RORA: variants seen among roughly 807,000 people sequenced by gnomAD.
RORA encodes nuclear receptor ROR-alpha.
Under a neutral mutation model 69.5 loss-of-function variants are expected in RORA, and 7 were observed. The observed-to-expected ratio is 0.10, with a 90% confidence interval of 0.06 to 0.19. The LOEUF (loss-of-function observed/expected upper bound fraction) is 0.19. Among genes scored for constraint, RORA ranks in the 10% least tolerant of loss-of-function variants. The pLI is 1.00. For synonymous variants in RORA, 261 were observed against 240.8 expected (o/e 1.08, Z -0.78); for missense variants, 457 against 663.0 (o/e 0.69, Z 3.41).
intron 1 of RORA, among the ~76,000 whole-genome samples, chr15:60,761,497 T>C (rs1262869687): frequency 6.6e-6 from 1 of 152,166 alleles, no homozygotes; most frequent in East Asian, 1.9e-4. Flanking sequence ...CAACTCTCTT[T>C]TATGATATGT....
At chr15:61,135,463 C>T (rs1477434791) in intron 1 of RORA, among the ~76,000 whole-genome samples, 1 of 151,010 alleles carries the variant, frequency 6.6e-6, no homozygotes, top group Admixed American at 6.6e-5. Flanking sequence ...CACAAACTAC[C>T]AATAAAGCCT....
chr15:60,666,022 C>T (rs1361097798), intron 2 of RORA, among the ~76,000 whole-genome samples: 1 of 151,968 alleles, frequency 6.6e-6, no homozygotes, highest in Non-Finnish European at 1.5e-5. Context: ...TATTTTTGGC[C>T]AAACTGAAAT....
At chr15:60,851,854 T>C (rs2073328508) in intron 1 of RORA, among the ~76,000 whole-genome samples, 1 of 152,060 alleles carries the variant, frequency 6.6e-6, no homozygotes, top group Non-Finnish European at 1.5e-5. Flanking sequence ...ACGTAAGTTC[T>C]GAGAACTTTT....
At chr15:61,027,140 G>A (rs1895861332) in intron 1 of RORA, among the ~76,000 whole-genome samples, 1 of 152,218 alleles carries the variant, frequency 6.6e-6, no homozygotes, top group African/African-American at 2.4e-5. Context: ...CCCAGTGTGG[G>A]CGAGGGTCCA....
intron 1 of RORA, among the ~76,000 whole-genome samples, chr15:60,814,659 G>T (rs2072785637): frequency 6.6e-6 from 1 of 152,162 alleles, no homozygotes; most frequent in Admixed American, 6.6e-5. Flanking sequence ...GCCATCAGAA[G>T]AGGAAGCTCC....
intron 1 of RORA, among the ~76,000 whole-genome samples, chr15:60,855,571 A>G (rs1464778712): frequency 1.3e-5 from 2 of 151,962 alleles, no homozygotes; most frequent in Admixed American, 1.3e-4. Flanking sequence ...GAATGTGTGG[A>G]CCCTTACACT....
intron 2 of RORA, among the ~76,000 whole-genome samples, chr15:60,557,280 GAT>G (rs1226249414): frequency 1.3e-5 from 2 of 152,170 alleles, no homozygotes; most frequent in Non-Finnish European, 2.9e-5. Flanking sequence ...AGTTAAATAA[GAT>G]ATAGAATGCT....
At chr15:60,614,991 C>T (rs200255532) in intron 2 of RORA, 3 of 1,613,850 alleles carry the variant, frequency 1.9e-6, no homozygotes, top group Non-Finnish European at 2.5e-6. Flanking sequence ...CAAGTTGAGA[C>T]CAGAACAGCC....
chr15:61,061,596 G>A lies in RORA; in HGVS notation c.166+167457C>T, dbSNP rs943721689. 3.3e-5 allele frequency among the ~76,000 whole-genome samples: 5 copies of A among 152,036 alleles called. No homozygotes were observed. The highest frequency in any genetic ancestry group is 2.6e-4 in the Admixed American group (4 of 15,252). On this transcript the variant is annotated intron_variant, in intron 1 of 10. Coordinates refer to ENST00000335670, the MANE Select transcript of RORA (RefSeq NM_134261.3). This position sits in a 1 kb window ranked among gnomAD's most constrained non-coding sequence, Gnocchi z 4.4. ...GTACCAACCTCTAAGCCCCTTTATG[G>A]TTGATTCATTCCTAGGTATATTAAA...
At chr15:61,040,146 A>T (rs1306392733) in intron 1 of RORA, among the ~76,000 whole-genome samples, 1 of 115,332 alleles carries the variant, frequency 8.7e-6, no homozygotes, top group Admixed American at 9.1e-5. Flanking sequence ...ATATATATAT[A>T]TATATATATA....
intron 1 of RORA, among the ~76,000 whole-genome samples, chr15:60,919,036 G>C (rs1269120584): frequency 6.6e-6 from 1 of 152,172 alleles, no homozygotes; most frequent in African/African-American, 2.4e-5. Context: ...TACTTATGAT[G>C]CTACGAAAAG....
chr15:61,063,193 A>C (rs2078210964), intron 1 of RORA, among the ~76,000 whole-genome samples: 1 of 152,094 alleles, frequency 6.6e-6, no homozygotes, highest in South Asian at 2.1e-4. Context: ...TAATATCTGA[A>C]CCCTTCACGG....
chr15:61,193,543 TCTC>T (rs1317501724), intron 1 of RORA, among the ~76,000 whole-genome samples: 1 of 152,222 alleles, frequency 6.6e-6, no homozygotes, highest in African/African-American at 2.4e-5. Context: ...TGAAGTTTGA[TCTC>T]CTCCTTAAAC....
intron 1 of RORA, among the ~76,000 whole-genome samples, chr15:60,718,037 G>T (rs116176100): frequency 2.5e-4 from 38 of 152,094 alleles, no homozygotes; most frequent in African/African-American, 9.2e-4. Flanking sequence ...GACCTCAAGT[G>T]ATCCACCCAC....
intron 1 of RORA, among the ~76,000 whole-genome samples, chr15:61,199,720 T>C (rs781218791): frequency 5.3e-5 from 8 of 152,032 alleles, no homozygotes; most frequent in Non-Finnish European, 1.0e-4. Flanking sequence ...CACTGAGATG[T>C]TATGGGAAGG....
chr15:61,157,154 G>GA (rs2079451312), intron 1 of RORA, among the ~76,000 whole-genome samples: 2 of 152,118 alleles, frequency 1.3e-5, no homozygotes, highest in South Asian at 4.1e-4. Context: ...GATGAAAAAA[G>GA]AATGACCAAA....
chr15:60,951,905 A>G (rs1302702298), intron 1 of RORA, among the ~76,000 whole-genome samples: 1 of 150,562 alleles, frequency 6.6e-6, no homozygotes, highest in Non-Finnish European at 1.5e-5. Context: ...ATTCCAATCA[A>G]TAGAAAAAGA....
At chr15:60,653,403 T>G (rs538363883) in intron 2 of RORA, among the ~76,000 whole-genome samples, 33 of 152,046 alleles carry the variant, frequency 2.2e-4, no homozygotes, top group African/African-American at 8.0e-4. Flanking sequence ...CCAAAGTGAA[T>G]ATCAAGGGAA....
At chr15:61,227,829 C>A (rs1455427752) in intron 1 of RORA, among the ~76,000 whole-genome samples, 1 of 152,170 alleles carries the variant, frequency 6.6e-6, no homozygotes. Context: ...GAGTGACAGG[C>A]GCGATTTATA....
Sources: allele counts gnomAD v4.1 joint callset (sites outside exome capture counted in the v4.1 genomes callset), GRCh38; gene constraint gnomAD v4.1.1; non-coding constraint Gnocchi (gnomAD v3.1); transcripts MANE v1.5; gene names NCBI Gene and HGNC (gene_info 2026-07-23, HGNC 2026-07-21).